HECW1: variants seen among roughly 807,000 people sequenced by gnomAD.
The protein encoded by HECW1 is E3 ubiquitin-protein ligase HECW1.
Under a neutral mutation model 182.3 loss-of-function variants are expected in HECW1, and 61 were observed. The ratio of observed to expected loss-of-function variants is 0.33; its 90% CI spans 0.27 to 0.41. HECW1 has a LOEUF of 0.41. Ranked by LOEUF, HECW1 falls within the 10% of genes least tolerant of loss-of-function variation. The pLI, the probability that HECW1 is intolerant of heterozygous loss-of-function variation, is 1.00. For missense variants in HECW1, 1,739 were observed against 2,108.9 expected, an observed-to-expected ratio of 0.82 and a Z score of 3.44; for synonymous variants, 859 against 832.6, an observed-to-expected ratio of 1.03 and a Z score of -0.55.
intron 3 of HECW1, among the ~76,000 whole-genome samples, chr7:43,278,738 G>A (rs527330208): frequency 6.6e-6 from 1 of 152,090 alleles, no homozygotes; most frequent in African/African-American, 2.4e-5. Context: ...TTTCCCTTGA[G>A]GTCTAAGTTG....
chr7:43,187,743 C>T (rs939865964), intron 2 of HECW1, among the ~76,000 whole-genome samples: 1 of 152,136 alleles, frequency 6.6e-6, no homozygotes, highest in African/African-American at 2.4e-5. Context: ...TGTGCCTTCT[C>T]ACCCAATTCG....
intron 22 of HECW1, 25 bp from the exon 23 acceptor site, chr7:43,507,993 G>T: frequency 6.4e-7 from 1 of 1,566,106 alleles, no homozygotes; most frequent in Non-Finnish European, 8.8e-7. Flanking sequence ...CAGGGCCACT[G>T]CTCACCACCC....
At chr7:43,290,773 C>G (rs906176667) in intron 3 of HECW1, among the ~76,000 whole-genome samples, 3 of 152,216 alleles carry the variant, frequency 2.0e-5, no homozygotes, top group Admixed American at 6.5e-5. Context: ...GGGAGTCCCC[C>G]ACATGAGTGC....
chr7:43,510,158 G>T (rs1563072916), intron 24 of HECW1: 1 of 152,256 alleles, frequency 6.6e-6, no homozygotes, highest in Non-Finnish European at 1.5e-5. Context: ...GAGCAGACAA[G>T]TCACCGTGGA....
intron 3 of HECW1, among the ~76,000 whole-genome samples, chr7:43,266,500 A>G (rs1801818465): frequency 6.6e-6 from 1 of 151,988 alleles, no homozygotes; most frequent in Non-Finnish European, 1.5e-5. Flanking sequence ...ACGCCCAGCT[A>G]ATTTTTTGTA....
At chr7:43,247,925 G>C (rs943924129) in intron 3 of HECW1, among the ~76,000 whole-genome samples, 1 of 112,928 alleles carries the variant, frequency 8.9e-6, no homozygotes, top group Non-Finnish European at 1.7e-5. Context: ...GGAAGGGAAA[G>C]AGGAAAAAAG....
At chr7:43,343,318 G>A (rs1057388826) in intron 5 of HECW1, among the ~76,000 whole-genome samples, 2 of 150,084 alleles carry the variant, frequency 1.3e-5, no homozygotes, top group East Asian at 1.9e-4. Context: ...TGTGCACAAC[G>A]TGCAGGTTTG....
chr7:43,534,131 G>C (rs537283585), intron 24 of HECW1, among the ~76,000 whole-genome samples: 1 of 152,212 alleles, frequency 6.6e-6, no homozygotes, highest in South Asian at 2.1e-4. Context: ...TATCACTTTC[G>C]TATAAAAGGA....
intron 9 of HECW1, chr7:43,439,957 C>G (rs563276641): frequency 2.0e-5 from 3 of 152,544 alleles, no homozygotes; most frequent in Admixed American, 6.5e-5. Context: ...TCCTCCCACC[C>G]TCTTTGATGG....
intron 14 of HECW1, among the ~76,000 whole-genome samples, chr7:43,465,743 T>A (rs1260076470): frequency 6.6e-6 from 1 of 151,746 alleles, no homozygotes; most frequent in African/African-American, 2.4e-5. Context: ...AAGAAAAAAA[T>A]AGCCAGGCAT....
intron 6 of HECW1, among the ~76,000 whole-genome samples, chr7:43,368,972 T>C (rs1027691123): frequency 6.6e-6 from 1 of 152,180 alleles, no homozygotes; most frequent in African/African-American, 2.4e-5. Context: ...GGAAATCCTT[T>C]CTATGTTTGT....
At chr7:43,450,705 C>T (rs1412372678) in intron 11 of HECW1, 123 bp from the exon 12 acceptor site, 3 of 661,290 alleles carry the variant, frequency 4.5e-6, no homozygotes, top group African/African-American at 3.6e-5. Context: ...GACACACACA[C>T]ACAAATGGAT....
intron 19 of HECW1, among the ~76,000 whole-genome samples, chr7:43,499,462 CTG>C (rs962534575): frequency 3.5e-5 from 5 of 143,832 alleles, no homozygotes; most frequent in Non-Finnish European, 7.7e-5. Flanking sequence ...GAGCAAGACT[CTG>C]TCTCAAAAAA....
chr7:43,482,627 C>T (rs1018462714), intron 17 of HECW1, among the ~76,000 whole-genome samples: 11 of 152,112 alleles, frequency 7.2e-5, no homozygotes, highest in African/African-American at 2.7e-4. Context: ...GGTGCCTGGC[C>T]AGGCACAGTG....
chr7:43,314,760 A>G (rs1309341913), intron 4 of HECW1, among the ~76,000 whole-genome samples: 4 of 152,222 alleles, frequency 2.6e-5, no homozygotes. Context: ...CCAAATCCGA[A>G]ATTGTCTGTG....
chr7:43,444,291 G>T lies in HECW1; in HGVS notation c.1119G>T (p.Met373Ile), dbSNP rs751405479. 6.2e-7 allele frequency: 1 copy of T among 1,614,192 alleles called. No homozygotes were observed. The highest frequency in any genetic ancestry group is 1.1e-5 in the South Asian group (1 of 91,088). Residue 373 changes from methionine to isoleucine, a missense_variant, in exon 11 of 30, where the codon ATG becomes ATT. Coordinates refer to ENST00000395891, the MANE Select transcript of HECW1 (RefSeq NM_015052.5). The surrounding 1 kb of genome is among the most constrained non-coding windows in gnomAD (Gnocchi z 4.3). ...AGGACAGCCCCATGAACAACCTGATGGAAAGCGGCAGTGGGGAACCTCGGT... is the reference window on the plus strand; with the variant it reads ...AGGACAGCCCCATGAACAACCTGATTGAAAGCGGCAGTGGGGAACCTCGGT... ...QIQDSPMNNL[M>I]ESGSGEPRSE...
At chr7:43,401,391 C>A (rs557735179) in intron 7 of HECW1, among the ~76,000 whole-genome samples, 26 of 152,062 alleles carry the variant, frequency 1.7e-4, no homozygotes, top group Non-Finnish European at 2.8e-4. Context: ...AGAGCCAACA[C>A]ATAATCAGTG....
intron 25 of HECW1, among the ~76,000 whole-genome samples, 166 bp downstream of exon 25, chr7:43,541,427 A>C (rs1189169934): frequency 6.6e-6 from 1 of 152,206 alleles, no homozygotes; most frequent in Non-Finnish European, 1.5e-5. Flanking sequence ...TACATTTTTT[A>C]GCACAATAAA....
intron 2 of HECW1, 76 bp downstream of exon 2, chr7:43,114,467 A>G (rs1784886616): frequency 8.1e-7 from 1 of 1,228,614 alleles, no homozygotes; most frequent in Non-Finnish European, 1.1e-6. Context: ...CCACATGCCC[A>G]CCCTGGTATG....
Sources: allele counts gnomAD v4.1 joint callset (sites outside exome capture counted in the v4.1 genomes callset), GRCh38; gene constraint gnomAD v4.1.1; non-coding constraint Gnocchi (gnomAD v3.1); transcripts MANE v1.5; gene names NCBI Gene and HGNC (gene_info 2026-07-23, HGNC 2026-07-21).